ZNF487: variants seen among roughly 807,000 people sequenced by gnomAD.
ZNF487 encodes zinc finger protein 487, also known as KRAB domain only 1.
Under a neutral mutation model 3.0 loss-of-function variants are expected in ZNF487, and 4 were observed. The observed-to-expected ratio is 1.35, with a 90% CI of 0.66 to 3.08. ZNF487 has a LOEUF of 3.08. Ranked by LOEUF, ZNF487 falls within the 30% of genes most tolerant of loss-of-function variation. The pLI is 0.01. For missense variants in ZNF487, 146 were observed against 98.7 expected, an observed-to-expected ratio of 1.48 and a Z score of -2.03; for synonymous variants, 55 against 34.6, an observed-to-expected ratio of 1.59 and a Z score of -2.06.
At chr10:43,443,366 G>GTTTTTTTTTT (rs1326797006) in intron 1 of ZNF487, among the ~76,000 whole-genome samples, 1 of 144,726 alleles carries the variant, frequency 6.9e-6, no homozygotes, top group Non-Finnish European at 1.5e-5. Context: ...GCTGGGCCTA[G>GTTTTTTTTTT]TTTTTGTTTT....
At chr10:43,521,858 TAC>T in the ZNF487 span, among the ~76,000 whole-genome samples, 1 of 150,958 alleles carries the variant, frequency 6.6e-6, no homozygotes, top group Non-Finnish European at 1.5e-5. Context: ...ATGTAATATA[TAC>T]ACACGTATAT....
chr10:43,468,182 A>T (rs117641081), intron 1 of ZNF487, among the ~76,000 whole-genome samples: 1 of 152,202 alleles, frequency 6.6e-6, no homozygotes, highest in Admixed American at 6.6e-5. Context: ...TATGCGTGAG[A>T]TAAGAAAATT....
chr10:43,475,534 AT>A (rs1310560152), intron 1 of ZNF487, among the ~76,000 whole-genome samples, 186 bp from the exon 2 acceptor site: 1 of 152,078 alleles, frequency 6.6e-6, no homozygotes, highest in African/African-American at 2.4e-5. Context: ...AAAAATTAAT[AT>A]ACCGGCAGAG....
chr10:43,477,905 G>T (rs1056710205), intron 3 of ZNF487, among the ~76,000 whole-genome samples: 3 of 151,170 alleles, frequency 2.0e-5, no homozygotes, highest in Non-Finnish European at 4.4e-5. Flanking sequence ...AGCAGAGATC[G>T]CACTATTGTA....
intron 1 of ZNF487, among the ~76,000 whole-genome samples, chr10:43,465,849 G>A (rs1375327963): frequency 6.6e-6 from 1 of 152,200 alleles, no homozygotes; most frequent in African/African-American, 2.4e-5. Flanking sequence ...CTGGGATGTG[G>A]AGGTTGTAGC....
At chr10:43,479,971 T>TTTCTTTCTTTCTTTC (rs1184173278) in intron 3 of ZNF487, among the ~76,000 whole-genome samples, 1 of 125,122 alleles carries the variant, frequency 8.0e-6, no homozygotes, top group Non-Finnish European at 1.6e-5. Flanking sequence ...TCTTTCTTTC[T>TTTCTTTCTTTCTTTC]TTTCTTTCTT....
intron 1 of ZNF487, among the ~76,000 whole-genome samples, chr10:43,443,283 C>T (rs548153562): frequency 6.6e-6 from 1 of 151,556 alleles, no homozygotes; most frequent in Non-Finnish European, 1.5e-5. Flanking sequence ...AGGCTGGTCT[C>T]GAACTCCTGA....
intron 1 of ZNF487, among the ~76,000 whole-genome samples, chr10:43,440,883 G>T (rs1839575326): frequency 1.3e-5 from 2 of 151,434 alleles, no homozygotes; most frequent in South Asian, 4.2e-4. Context: ...TTTGTTGTTT[G>T]TTTTTGAGAG....
chr10:43,465,606 C>T (rs551428610), intron 1 of ZNF487, among the ~76,000 whole-genome samples: 4 of 151,866 alleles, frequency 2.6e-5, no homozygotes, highest in South Asian at 2.1e-4. Flanking sequence ...CGGGCAGAGA[C>T]GCTCCTCACT....
At chr10:43,523,173 T>C in the ZNF487 span, 1 of 152,210 alleles carries the variant, frequency 6.6e-6, no homozygotes, top group African/African-American at 2.4e-5. Flanking sequence ...AGCATTTGCA[T>C]GTTACATCCC....
chr10:43,461,869 C>T (rs1057216478), intron 1 of ZNF487, among the ~76,000 whole-genome samples: 1 of 152,000 alleles, frequency 6.6e-6, no homozygotes, highest in Non-Finnish European at 1.5e-5. Flanking sequence ...TTGTTTCTAC[C>T]TTGTCATTTG....
At chr10:43,476,975 C>T (rs1841121726) in intron 3 of ZNF487, among the ~76,000 whole-genome samples, 1 of 151,954 alleles carries the variant, frequency 6.6e-6, no homozygotes, top group African/African-American at 2.4e-5. Context: ...TGTGATGATA[C>T]CATTAACTGG....
intron 1 of ZNF487, among the ~76,000 whole-genome samples, chr10:43,445,550 T>C (rs992738668): frequency 6.6e-6 from 1 of 152,180 alleles, no homozygotes; most frequent in Non-Finnish European, 1.5e-5. Context: ...TCCAGGGCAT[T>C]GTTCATTCTG....
At chr10:43,490,469 T>C in the ZNF487 span, among the ~76,000 whole-genome samples, 1 of 151,676 alleles carries the variant, frequency 6.6e-6, no homozygotes, top group African/African-American at 2.4e-5. Context: ...GTTCTTACTG[T>C]TATAGCCTGA....
intron 1 of ZNF487, among the ~76,000 whole-genome samples, chr10:43,465,515 G>A (rs1434669139): frequency 6.6e-6 from 1 of 151,682 alleles, no homozygotes; most frequent in South Asian, 2.1e-4. Context: ...AGACGGGGTC[G>A]TGGCCGGGCA....
intron 1 of ZNF487, among the ~76,000 whole-genome samples, chr10:43,468,988 C>CAAAAAA (rs59076073): frequency 1.7e-3 from 103 of 60,918 alleles, no homozygotes; most frequent in Middle Eastern, 0.017. Context: ...GACTCTATCT[C>CAAAAAA]AAAAAAAAAA....
At position 43,482,502 on chromosome 10, in the gene ZNF487, A is replaced by G. The variant is rs775596884; in HGVS notation, c.*580A>G. The G allele has an allele frequency of 5.0e-5, 24 of 476,400 alleles. No individual in the cohort carries two copies. Among genetic ancestry groups the G allele is most frequent in the Admixed American group, 1.6e-4 (7 of 43,358 alleles). The allele number at this position is 476,400 out of a possible 1,614,324, so 29.5% of individuals were successfully genotyped here. ...CACACGGGACAAAACCTATGAATGTAATGAATGTGGAAAAAACTTCTGTGA... is the reference window on the plus strand; with the variant it reads ...CACACGGGACAAAACCTATGAATGTGATGAATGTGGAAAAAACTTCTGTGA... On this transcript the variant is annotated 3_prime_UTR_variant, in exon 4 of 4. Transcript: ENST00000437590.
chr10:43,522,755 T>G, the ZNF487 span, among the ~76,000 whole-genome samples: 2 of 151,814 alleles, frequency 1.3e-5, no homozygotes. Context: ...ATAAAAAAAA[T>G]AAAAACAAAG....
chr10:43,499,180 A>T, the ZNF487 span, among the ~76,000 whole-genome samples: 3 of 152,250 alleles, frequency 2.0e-5, no homozygotes, highest in Non-Finnish European at 2.9e-5. Flanking sequence ...AAACCTGCAA[A>T]TGAGAGAAAG....
Sources: gnomAD v4.1 joint callset for allele counts (sites outside exome capture counted in the v4.1 genomes callset) on GRCh38, gnomAD v4.1.1 for gene constraint, MANE v1.5 for transcripts, NCBI Gene and HGNC (gene_info 2026-07-23, HGNC 2026-07-21) for gene names.